The following PRSS38 variants were observed in gnomAD, a reference collection of about 807,000 sequenced individuals.
The protein encoded by PRSS38 is marapsin 2.
PRSS38 carries 22 observed loss-of-function variants against 26.8 expected under a neutral mutation model. The ratio of observed to expected loss-of-function variants is 0.82; its 90% confidence interval spans 0.59 to 1.17. PRSS38 has a LOEUF of 1.17. Ranked by LOEUF, PRSS38 falls within the 50% of genes most tolerant of loss-of-function variation. The probability of loss-of-function intolerance (pLI) is 0.00; values close to 1 mark genes in which losing one functional copy is unlikely to be tolerated. For synonymous variants in PRSS38, 175 were observed against 172.1 expected, an observed-to-expected ratio of 1.02 and a Z score of -0.13; for missense variants, 427 against 422.7, an observed-to-expected ratio of 1.01 and a Z score of -0.09.
At chr1:227,831,025 A>G (rs11804165) in intron 3 of PRSS38, among the ~76,000 whole-genome samples, 6,741 of 151,880 alleles carry the variant, frequency 0.044, 170 homozygotes, top group African/African-American at 0.065. Flanking sequence ...TCTGTTTTCT[A>G]TTTCATTGAT....
chr1:227,816,124 G>A lies in PRSS38; in HGVS notation c.183G>A (p.Leu61=). ...GGCCCAGCATGGAGGGGAAAATCCT[G>A]GGCGGCGTCCCTGCGCCCGAGAGGA... The change falls in exon 2 of 5, where the codon CTG becomes CTA. Residue 61 remains leucine, a synonymous_variant. Coordinates refer to ENST00000366757, the Ensembl canonical transcript of PRSS38. This position sits in a 1 kb window ranked among gnomAD's most constrained non-coding sequence, Gnocchi z 5.1. 1.9e-6 allele frequency: 3 copies of A among 1,613,600 alleles called. No individual in the cohort carries two copies. Among genetic ancestry groups the A allele is most frequent in the Non-Finnish European group, 2.5e-6 (3 of 1,179,866 alleles).
intron 3 of PRSS38, among the ~76,000 whole-genome samples, chr1:227,834,050 G>T (rs568004853): frequency 6.6e-6 from 1 of 152,276 alleles, no homozygotes; most frequent in Admixed American, 6.5e-5. Context: ...GACATGGAGT[G>T]TGCATGTGAT....
chr1:227,842,942 C>T (rs1255614962), intron 3 of PRSS38, among the ~76,000 whole-genome samples: 6 of 152,166 alleles, frequency 3.9e-5, no homozygotes, highest in Non-Finnish European at 7.3e-5. Flanking sequence ...CATGGATTCC[C>T]AGGCCTTTAC....
exon 4 of PRSS38, chr1:227,845,564 C>G (rs144236979): frequency 6.2e-7 from 1 of 1,613,672 alleles, no homozygotes. Flanking sequence ...ACATCATGCC[C>G]GACATGCTGT....
chr1:227,845,610 G>A lies in PRSS38; in HGVS notation c.724G>A (p.Glu242Lys), dbSNP rs201286012. Residue 242 changes from glutamate to lysine, a missense_variant and splice_region_variant, in exon 4 of 5, where the codon GAG (glutamate) becomes AAG (lysine). Coordinates refer to ENST00000366757, the Ensembl canonical transcript of PRSS38. ...CATCCTGAATGCTAAGACCGTGTGT[G>A]AGGTGTGCCCCTCCTGGTCCATGAG... 8.4e-5 allele frequency: 136 copies of A among 1,612,942 alleles called. No individual in the cohort carries two copies. Among genetic ancestry groups the A allele is most frequent in the Non-Finnish European group, 7.1e-5 (84 of 1,179,334 alleles).
chr1:227,834,736 G>A (rs1463397182), intron 3 of PRSS38, among the ~76,000 whole-genome samples: 1 of 150,466 alleles, frequency 6.6e-6, no homozygotes. Context: ...AGGCTGTGGT[G>A]GGAGGATTAC....
Position 227,816,244 on chromosome 1 carries a change from C to T in PRSS38, c.303C>T (p.Cys101=), listed in dbSNP as rs145705378. 3 of 1,610,726 alleles carry T rather than the reference C, an allele frequency of 1.9e-6. No individual in the cohort carries two copies. Among genetic ancestry groups the T allele is most frequent in the African/African-American group, 2.7e-5 (2 of 74,856 alleles). ...ACTGGGTGCTGTCAGCTGCGCACTGCTTTCACAGGTAAGCGGGCGCCGGCC... is the reference window on the plus strand; with the variant it reads ...ACTGGGTGCTGTCAGCTGCGCACTGTTTTCACAGGTAAGCGGGCGCCGGCC... The change falls in exon 2 of 5, where the codon TGC becomes TGT. Residue 101 remains cysteine, a synonymous_variant. Coordinates refer to ENST00000366757, the Ensembl canonical transcript of PRSS38. This position sits in a 1 kb window ranked among gnomAD's most constrained non-coding sequence, Gnocchi z 5.1.
intron 3 of PRSS38, among the ~76,000 whole-genome samples, chr1:227,844,898 G>T (rs1665397537): frequency 6.9e-6 from 1 of 144,680 alleles, no homozygotes; most frequent in Non-Finnish European, 1.5e-5. Context: ...CCTATGTACG[G>T]TCAGGGCTCC....
At chr1:227,819,775 T>C (rs1664974037) in intron 3 of PRSS38, among the ~76,000 whole-genome samples, 1 of 152,176 alleles carries the variant, frequency 6.6e-6, no homozygotes, top group Non-Finnish European at 1.5e-5. Flanking sequence ...TTTGGATTGT[T>C]CTTTGGGGGT....
At chr1:227,815,987 T>TA in intron 1 of PRSS38, 103 bp from the exon 2 acceptor site, 1 of 1,494,894 alleles carries the variant, frequency 6.7e-7, no homozygotes, top group Non-Finnish European at 9.1e-7. Flanking sequence ...TCCCCTGCCT[T>TA]CCCTTCCTCC....
At chr1:227,822,892 G>C (rs544994227) in intron 3 of PRSS38, among the ~76,000 whole-genome samples, 3 of 152,036 alleles carry the variant, frequency 2.0e-5, no homozygotes, top group Non-Finnish European at 2.9e-5. Context: ...CAAGTACAGA[G>C]GTGCTTTTTC....
At chr1:227,821,172 GATA>G (rs1016816672) in intron 3 of PRSS38, among the ~76,000 whole-genome samples, 3 of 151,944 alleles carry the variant, frequency 2.0e-5, no homozygotes, top group Non-Finnish European at 2.9e-5. Context: ...GTTTGCTGAG[GATA>G]ATGGCTTCCA....
intron 3 of PRSS38, among the ~76,000 whole-genome samples, chr1:227,825,563 T>A (rs1665062283): frequency 6.6e-6 from 1 of 152,338 alleles, no homozygotes; most frequent in South Asian, 2.1e-4. Flanking sequence ...GTATGTGGTG[T>A]AAGGAAGGGG....
At chr1:227,833,515 G>A (rs570664806) in intron 3 of PRSS38, among the ~76,000 whole-genome samples, 3 of 114,270 alleles carry the variant, frequency 2.6e-5, no homozygotes, top group Non-Finnish European at 3.7e-5. Context: ...CAACAAGAGC[G>A]AGACTCCATC....
intron 3 of PRSS38, among the ~76,000 whole-genome samples, chr1:227,820,530 T>C (rs1414172949): frequency 6.6e-6 from 1 of 152,222 alleles, no homozygotes; most frequent in Non-Finnish European, 1.5e-5. Context: ...TATTAATGTA[T>C]ATTACATTGA....
chr1:227,839,652 G>A (rs1665288201), intron 3 of PRSS38, among the ~76,000 whole-genome samples: 1 of 152,192 alleles, frequency 6.6e-6, no homozygotes, highest in South Asian at 2.1e-4. Context: ...TCAGACTGGC[G>A]ACAGTTTTAC....
chr1:227,840,010 C>G (rs2102684678), intron 3 of PRSS38, among the ~76,000 whole-genome samples: 1 of 152,262 alleles, frequency 6.6e-6, no homozygotes, highest in African/African-American at 2.4e-5. Flanking sequence ...ATTTTCCAAC[C>G]CAGAAAACCG....
chr1:227,824,919 GT>G lies in PRSS38; in HGVS notation c.583+7447del, dbSNP rs1272873121. On this transcript the variant is annotated intron_variant, in intron 3 of 4. Transcript: ENST00000366757. ...TTGCTACTTTTTAATGGGGCTGTTT[GT>G]TTTTTTTCTTGTAAATTTGCTTAAG... 1.6e-4 allele frequency among the ~76,000 whole-genome samples: 24 copies of G among 151,746 alleles called. No individual in the cohort carries two copies. In the Middle Eastern group the frequency reaches 0.014, roughly 86 times the overall value.
chr1:227,846,125 C>G, exon 5 of PRSS38: 1 of 1,614,114 alleles, frequency 6.2e-7, no homozygotes, highest in Non-Finnish European at 8.5e-7. Context: ...CACTCCTGCT[C>G]AGCCAGCCCC....
Sources: allele counts gnomAD v4.1 joint callset (sites outside exome capture counted in the v4.1 genomes callset), GRCh38; gene constraint gnomAD v4.1.1; non-coding constraint Gnocchi (gnomAD v3.1); transcripts MANE v1.5; gene names NCBI Gene and HGNC (gene_info 2026-07-23, HGNC 2026-07-21).